LGI2: variants seen among roughly 807,000 people sequenced by gnomAD.
LGI2 encodes leucine-rich repeat LGI family member 2.
A neutral mutation model predicts 52.0 loss-of-function variants in LGI2; 30 were observed. The observed-to-expected ratio is 0.58, with a 90% CI of 0.43 to 0.78. LGI2 has a LOEUF of 0.78. Ranked by LOEUF, LGI2 falls within the 30% of genes least tolerant of loss-of-function variation. The pLI is 0.00. For synonymous variants in LGI2, 270 were observed against 271.8 expected, an observed-to-expected ratio of 0.99 and a Z score of 0.06; for missense variants, 573 against 692.5, an observed-to-expected ratio of 0.83 and a Z score of 1.94.
chr4:24,993,409 G>A, the LGI2 span, among the ~76,000 whole-genome samples: 17 of 152,166 alleles, frequency 1.1e-4, no homozygotes, highest in African/African-American at 3.6e-4. Flanking sequence ...ATGAGTTAAG[G>A]TATGTAACAC....
At chr4:25,005,538 C>A (rs28499064) in intron 7 of LGI2, among the ~76,000 whole-genome samples, 1 of 150,028 alleles carries the variant, frequency 6.7e-6, no homozygotes, top group Non-Finnish European at 1.5e-5. Context: ...TAAATAGATA[C>A]AATTTTAATT....
In LGI2 at chr4:25,000,235, T is replaced by A; in HGVS notation, c.*3216A>T. 1 of 169,028 alleles carries A rather than the reference T, an allele frequency of 5.9e-6. No homozygotes were observed. Among genetic ancestry groups the A allele is most frequent in the Non-Finnish European group, 1.3e-5 (1 of 78,878 alleles). 10.5% of individuals were successfully genotyped at this position (169,028 alleles called of 1,614,324 possible). A position where few individuals can be genotyped will look rare whatever the true frequency, so the allele number is the denominator to read the frequency against. Reference sequence around the variant, plus strand: ...CAAAATCATGCTAGAAATGAAAGTCTTTCTCTGGGAGAGTATAGCAGGGTG... The same window carrying A: ...CAAAATCATGCTAGAAATGAAAGTCATTCTCTGGGAGAGTATAGCAGGGTG... On this transcript the variant is annotated 3_prime_UTR_variant, in exon 8 of 8. Coordinates refer to ENST00000382114, the MANE Select transcript of LGI2 (RefSeq NM_018176.4).
At position 25,009,631 on chromosome 4, in the gene LGI2, T is replaced by TTTTTG. The variant is rs537949875; in HGVS notation, c.820+2699_820+2703dup. The stretch of plus-strand genomic sequence containing the variant: ...ATGGGAACTCCTGAGGGCAGAGGTT[T>TTTTTG]TTTTGTTTTGTTTTGTTTTTTTGAG... On this transcript the variant is annotated intron_variant, in intron 7 of 7. Coordinates refer to ENST00000382114, the MANE Select transcript of LGI2 (RefSeq NM_018176.4). Among the ~76,000 whole-genome samples the TTTTTG allele has an allele frequency of 1.6e-3, 251 of 152,192 alleles. 2 individuals are homozygous for TTTTTG. The highest frequency in any genetic ancestry group is 5.7e-3 in the African/African-American group (235 of 41,514).
At chr4:24,996,477 TG>T (rs1725084420), downstream of LGI2, among the ~76,000 whole-genome samples, 1 of 152,208 alleles carries the variant, frequency 6.6e-6, no homozygotes, top group Admixed American at 6.5e-5. Context: ...AGTGACAATG[TG>T]TCCTGAATTC....
chr4:24,994,289 G>A (rs969280401), downstream of LGI2, among the ~76,000 whole-genome samples: 1 of 152,160 alleles, frequency 6.6e-6, no homozygotes, highest in Non-Finnish European at 1.5e-5. Flanking sequence ...TGGTCTCTGT[G>A]CATAACTTGC....
chr4:25,016,960 A>G (rs897167158), intron 6 of LGI2, among the ~76,000 whole-genome samples: 1 of 152,172 alleles, frequency 6.6e-6, no homozygotes, highest in African/African-American at 2.4e-5. Flanking sequence ...TAGAAACCCC[A>G]CCTAAGCCTT....
chr4:25,016,063 T>A (rs554728848), intron 6 of LGI2, among the ~76,000 whole-genome samples: 1 of 152,320 alleles, frequency 6.6e-6, no homozygotes, highest in Admixed American at 6.5e-5. Context: ...CTAAAATGTG[T>A]TAAGGCCTCT....
intron 6 of LGI2, among the ~76,000 whole-genome samples, chr4:25,017,312 G>A (rs1392533681): frequency 6.6e-6 from 1 of 152,060 alleles, no homozygotes; most frequent in Admixed American, 6.6e-5. Context: ...GGGAGGCCAA[G>A]GTGGGCGGAT....
intron 1 of LGI2, among the ~76,000 whole-genome samples, chr4:25,029,117 G>A (rs1726247156): frequency 6.6e-6 from 1 of 152,138 alleles, no homozygotes; most frequent in Admixed American, 6.5e-5. Flanking sequence ...AGATAAAACG[G>A]TCAACCAGGA....
chr4:25,010,165 A>G (rs914933470), intron 7 of LGI2, among the ~76,000 whole-genome samples: 1 of 152,136 alleles, frequency 6.6e-6, no homozygotes, highest in African/African-American at 2.4e-5. Flanking sequence ...CTGTAGTTCC[A>G]ACTACTCAGG....
At chr4:24,993,461 T>C in the LGI2 span, among the ~76,000 whole-genome samples, 1 of 152,166 alleles carries the variant, frequency 6.6e-6, no homozygotes, top group Admixed American at 6.5e-5. Flanking sequence ...AACCAGTCAT[T>C]TAATCAGCAT....
At chr4:25,030,243 A>G (rs73250695) in intron 1 of LGI2, among the ~76,000 whole-genome samples, 9,235 of 152,288 alleles carry the variant, frequency 0.061, 341 homozygotes, top group East Asian at 0.13. Flanking sequence ...GGTGAGTCTG[A>G]TGCAGGTGGC....
intron 7 of LGI2, among the ~76,000 whole-genome samples, chr4:25,005,326 T>A (rs571061298): frequency 6.6e-6 from 1 of 152,206 alleles, no homozygotes; most frequent in African/African-American, 2.4e-5. Context: ...TTTTTTAAGT[T>A]GTTTAAAAAT....
downstream of LGI2, among the ~76,000 whole-genome samples, chr4:24,996,289 G>A (rs542584471): frequency 1.3e-5 from 2 of 152,236 alleles, no homozygotes; most frequent in Admixed American, 6.5e-5. Context: ...ATTCTTGAAC[G>A]CTTTTGTATC....
chr4:25,019,439 G>T (rs952392892), intron 4 of LGI2, among the ~76,000 whole-genome samples: 3 of 151,562 alleles, frequency 2.0e-5, no homozygotes, highest in Admixed American at 6.6e-5. Context: ...TTTACAAAAA[G>T]CACTTTTTAA....
intron 6 of LGI2, among the ~76,000 whole-genome samples, chr4:25,015,147 T>G (rs1172046304): frequency 1.3e-5 from 2 of 152,206 alleles, no homozygotes; most frequent in African/African-American, 2.4e-5. Context: ...TTTCTCCCAG[T>G]GGAATCAACA....
rs538468585 is a variant in LGI2 at position 25,028,472 on chromosome 4, C to G, written c.269+35G>C. The G allele has an allele frequency of 7.5e-6, 12 of 1,590,392 alleles. No homozygotes were observed. The East Asian group carries it at 1.6e-4, about 21-fold the overall frequency. On this transcript the variant is annotated intron_variant, in intron 2 of 7. Transcript: ENST00000382114. ...GCCCTCCAAGGATGGCACCTCAGGGCCCCCCATTGTGCAGAGGGAACTTCC... is the reference window on the plus strand; with the variant it reads ...GCCCTCCAAGGATGGCACCTCAGGGGCCCCCATTGTGCAGAGGGAACTTCC...
intron 4 of LGI2, among the ~76,000 whole-genome samples, chr4:25,021,930 CAAAA>C (rs35526176): frequency 1.3e-5 from 1 of 76,588 alleles, no homozygotes; most frequent in Non-Finnish European, 2.9e-5. Flanking sequence ...GATTCCATCT[CAAAA>C]AAAAAAAAAA....
Position 25,017,980 on chromosome 4 carries a change from T to C in LGI2, c.655+9A>G. On this transcript the variant is annotated intron_variant, in intron 6 of 7. Coordinates refer to ENST00000382114, the MANE Select transcript of LGI2 (RefSeq NM_018176.4). Reference sequence around the variant, plus strand: ...AATATCCGTGTCTGATGAGATAGGCTCTGAATACCTGTAGTTGTGCATTCA... The same window carrying C: ...AATATCCGTGTCTGATGAGATAGGCCCTGAATACCTGTAGTTGTGCATTCA... 1 of 1,602,352 alleles carries C rather than the reference T, an allele frequency of 6.2e-7. No individual in the cohort carries two copies. Among genetic ancestry groups the C allele is most frequent in the Non-Finnish European group, 8.5e-7 (1 of 1,175,992 alleles).
Sources: allele counts gnomAD v4.1 joint callset (sites outside exome capture counted in the v4.1 genomes callset), GRCh38; gene constraint gnomAD v4.1.1; transcripts MANE v1.5; gene names NCBI Gene and HGNC (gene_info 2026-07-23, HGNC 2026-07-21).